The following PRKAR1B variants were observed in gnomAD, a reference collection of about 807,000 sequenced individuals.
The protein encoded by PRKAR1B is cAMP-dependent protein kinase type I-beta regulatory subunit.
PRKAR1B carries 22 observed loss-of-function variants against 46.5 expected under a neutral mutation model. The ratio of observed to expected loss-of-function variants is 0.47; its 90% confidence interval spans 0.34 to 0.68. The LOEUF (loss-of-function observed/expected upper bound fraction) is 0.68, where lower values mean the gene tolerates loss of function less well. Among genes scored for constraint, PRKAR1B ranks in the 30% least tolerant of loss-of-function variants. The probability of loss-of-function intolerance (pLI) is 0.01; values close to 1 mark genes in which losing one functional copy is unlikely to be tolerated. For missense variants in PRKAR1B, 445 were observed against 535.6 expected (o/e 0.83, Z 1.67); for synonymous variants, 259 against 217.7 (o/e 1.19, Z -1.67).
intron 2 of PRKAR1B, among the ~76,000 whole-genome samples, chr7:705,804 A>G (rs530599817): frequency 9.9e-5 from 15 of 152,270 alleles, no homozygotes; most frequent in African/African-American, 3.6e-4. Flanking sequence ...AGGCAGGTGG[A>G]TCACCTGAGG....
intron 9 of PRKAR1B, among the ~76,000 whole-genome samples, chr7:565,775 A>G (rs1779090435): frequency 6.6e-6 from 1 of 152,162 alleles, no homozygotes; most frequent in Non-Finnish European, 1.5e-5. Flanking sequence ...CTCCGTGAGG[A>G]TCTGGACTTC....
At chr7:613,100 T>C (rs1017379771) in intron 4 of PRKAR1B, among the ~76,000 whole-genome samples, 3 of 152,090 alleles carry the variant, frequency 2.0e-5, no homozygotes, top group Middle Eastern at 6.8e-3. Flanking sequence ...GAAAATAGGG[T>C]GTCGATGAAA....
intron 9 of PRKAR1B, among the ~76,000 whole-genome samples, chr7:555,822 AGCACAC>A (rs1363882986): frequency 6.6e-6 from 1 of 152,220 alleles, no homozygotes; most frequent in Non-Finnish European, 1.5e-5. Flanking sequence ...GGTGGTGGCC[AGCACAC>A]CTGGCTCACA....
At position 667,994 on chromosome 7, in the gene PRKAR1B, CACA is replaced by C. The variant is rs1786027315; in HGVS notation, c.440+9232_440+9234del. The stretch of plus-strand genomic sequence containing the variant: ...CTTCTCCAAGCTTACGTATCTCTCG[CACA>C]ACCTTATGTATCTCCCACACTGTTA... On this transcript the variant is annotated intron_variant, in intron 4 of 10. Coordinates refer to ENST00000537384, the MANE Select transcript of PRKAR1B (RefSeq NM_001164760.2). The surrounding 1 kb of genome is among the most constrained non-coding windows in gnomAD (Gnocchi z 4.3). 1.3e-5 allele frequency among the ~76,000 whole-genome samples: 2 copies of C among 152,242 alleles called. No individual in the cohort carries two copies. Among genetic ancestry groups the C allele is most frequent in the African/African-American group, 2.4e-5 (1 of 41,464 alleles).
At chr7:574,593 G>A (rs1044507865) in intron 9 of PRKAR1B, among the ~76,000 whole-genome samples, 1 of 152,110 alleles carries the variant, frequency 6.6e-6, no homozygotes, top group African/African-American at 2.4e-5. Flanking sequence ...ACAGGCACCT[G>A]CTACCACACC....
chr7:596,212 G>A lies in PRKAR1B; in HGVS notation c.642C>T (p.Thr214=), dbSNP rs76061469. ...GCTTGAGGTCCGTCTTGGCTTTCAC[G>A]GTCGCAGCCCTGGGGGTGCCGTAGA... ...ALIYGTPRAA[T]VKAKTDLKLW... Residue 214 remains threonine, a synonymous_variant, in exon 7 of 11, where the codon ACC becomes ACT. Transcript: ENST00000537384. 2.0e-3 allele frequency: 3,199 copies of A among 1,614,020 alleles called. 4 individuals are homozygous for A. The highest frequency in any genetic ancestry group is 2.4e-3 in the Non-Finnish European group (2,815 of 1,179,990).
At chr7:687,995 C>T (rs2128513285) in intron 2 of PRKAR1B, among the ~76,000 whole-genome samples, 1 of 150,564 alleles carries the variant, frequency 6.6e-6, no homozygotes, top group Admixed American at 6.7e-5. Flanking sequence ...CCTCGGGAGG[C>T]TCAGGCAGGA....
chr7:638,808 G>A lies in PRKAR1B; in HGVS notation c.441-31356C>T, dbSNP rs184529161. Among the ~76,000 whole-genome samples, 214 of 152,304 alleles carry A rather than the reference G, an allele frequency of 1.4e-3. 1 individual carries two copies. The highest frequency in any genetic ancestry group is 4.7e-3 in the African/African-American group (194 of 41,568). On this transcript the variant is annotated intron_variant, in intron 4 of 10. Coordinates refer to ENST00000537384, the MANE Select transcript of PRKAR1B (RefSeq NM_001164760.2). ...AAATTCACATGCGGCCGGGCGCGGG[G>A]GCTCACGCCTGTAGTCCCAGCACTT...
chr7:701,479 A>G lies in PRKAR1B; in HGVS notation c.177+9850T>C, dbSNP rs146269632. Among the ~76,000 whole-genome samples the G allele has an allele frequency of 8.8e-4, 134 of 152,302 alleles. No homozygotes were observed. The East Asian group carries it at 0.013, about 15-fold the overall frequency. ...ACAGAAAAATATATTTGAAGACATG[A>G]TGGTTGAAAACTTCTCAAATATGTT... On this transcript the variant is annotated intron_variant, in intron 2 of 10. Transcript: ENST00000537384.
chr7:606,135 C>T, intron 6 of PRKAR1B, 58 bp downstream of exon 6: 1 of 1,573,792 alleles, frequency 6.4e-7, no homozygotes, highest in Non-Finnish European at 8.7e-7. Flanking sequence ...GAGGGCAAGT[C>T]TTCACACCGG....
chr7:670,773 G>T (rs1440085095), intron 4 of PRKAR1B, among the ~76,000 whole-genome samples: 3 of 150,300 alleles, frequency 2.0e-5, no homozygotes, highest in African/African-American at 7.3e-5. Context: ...ACGGCATCCG[G>T]CAGAGGGGCT....
At chr7:567,849 G>T (rs1277018886) in intron 9 of PRKAR1B, among the ~76,000 whole-genome samples, 1 of 152,112 alleles carries the variant, frequency 6.6e-6, no homozygotes, top group Non-Finnish European at 1.5e-5. Context: ...AAAGGAGAAG[G>T]GTGGTTCTAC....
At chr7:604,497 C>T (rs776325841) in intron 6 of PRKAR1B, among the ~76,000 whole-genome samples, 3 of 152,218 alleles carry the variant, frequency 2.0e-5, no homozygotes, top group African/African-American at 4.8e-5. Context: ...CCGTGGGTTC[C>T]GGCTCAGGAC....
chr7:674,214 C>T (rs1786452826), intron 4 of PRKAR1B, among the ~76,000 whole-genome samples: 1 of 152,068 alleles, frequency 6.6e-6, no homozygotes, highest in African/African-American at 2.4e-5. Context: ...CTACTCCAGC[C>T]ACACCCAGCT....
In PRKAR1B at chr7:550,141, C is replaced by T. The variant is rs563760983; in HGVS notation, c.*289G>A. On this transcript the variant is annotated 3_prime_UTR_variant, in exon 11 of 11. Coordinates refer to ENST00000537384, the MANE Select transcript of PRKAR1B (RefSeq NM_001164760.2). ...AGGAGACTGGCAGGGGTGGGGTGGG[C>T]CCCCCAGGAGAAGCCCACAGAGGCA... 74 of 405,376 alleles carry T rather than the reference C, an allele frequency of 1.8e-4. No individual in the cohort carries two copies. Among genetic ancestry groups the T allele is most frequent in the African/African-American group, 1.5e-3 (72 of 47,900 alleles). 25.1% of individuals were successfully genotyped at this position (405,376 alleles called of 1,614,324 possible). A position where few individuals can be genotyped will look rare whatever the true frequency, so the allele number is the denominator to read the frequency against.
intron 1 of PRKAR1B, among the ~76,000 whole-genome samples, chr7:722,301 C>T (rs1781102449): frequency 6.6e-6 from 1 of 152,002 alleles, no homozygotes; most frequent in Non-Finnish European, 1.5e-5. Flanking sequence ...GGGGTTTCAC[C>T]ATGTTGTCCA....
intron 4 of PRKAR1B, among the ~76,000 whole-genome samples, chr7:652,046 A>G (rs113580702): frequency 0.01 from 336 of 32,700 alleles, no homozygotes; most frequent in Middle Eastern, 0.026. Flanking sequence ...CACCCACACA[A>G]CGCTAGGAAC....
chr7:654,560 ATCACCATTTACATCACCATCACCATCT>A (rs1785090956), intron 4 of PRKAR1B, among the ~76,000 whole-genome samples: 1 of 149,670 alleles, frequency 6.7e-6, no homozygotes, highest in Non-Finnish European at 1.5e-5. Context: ...CATCACCATC[ATCACCATTTACATCACCATCACCATCT>A]TCACCACCTT....
chr7:615,523 A>C (rs1249138581), intron 4 of PRKAR1B, among the ~76,000 whole-genome samples: 1 of 151,350 alleles, frequency 6.6e-6, no homozygotes. Context: ...GAAGAAAGGA[A>C]AGAAAGAGAG....
Sources: gnomAD v4.1 joint callset for allele counts (sites outside exome capture counted in the v4.1 genomes callset) on GRCh38, gnomAD v4.1.1 for gene constraint, Gnocchi (gnomAD v3.1) non-coding constraint, MANE v1.5 for transcripts, NCBI Gene and HGNC (gene_info 2026-07-23, HGNC 2026-07-21) for gene names.